The following HDAC9 variants were observed in gnomAD, a reference collection of about 807,000 sequenced individuals.
HDAC9 encodes the protein histone deacetylase 9, also known as MEF-2 interacting transcription repressor (MITR) protein.
Under a neutral mutation model 139.4 loss-of-function variants are expected in HDAC9, and 41 were observed. The ratio of observed to expected loss-of-function variants is 0.29; its 90% confidence interval spans 0.23 to 0.38. HDAC9 has a LOEUF of 0.38. Ranked by LOEUF, HDAC9 falls within the 10% of genes least tolerant of loss-of-function variation. HDAC9 has a pLI of 1.00. For missense variants in HDAC9, 1,147 were observed against 1,297.0 expected, an observed-to-expected ratio of 0.88 and a Z score of 1.78; for synonymous variants, 517 against 476.2, an observed-to-expected ratio of 1.09 and a Z score of -1.12.
At chr7:18,772,635 A>G (rs1158869065) in intron 16 of HDAC9, among the ~76,000 whole-genome samples, 2 of 152,026 alleles carry the variant, frequency 1.3e-5, no homozygotes, top group African/African-American at 2.4e-5. Context: ...CTCCAGCACA[A>G]TAAAAGGATC....
intron 1 of HDAC9, among the ~76,000 whole-genome samples, chr7:18,465,105 G>T (rs1211264857): frequency 6.6e-6 from 1 of 151,946 alleles, no homozygotes; most frequent in Non-Finnish European, 1.5e-5. Flanking sequence ...TTCTACAAGT[G>T]TTGATTCTTT....
chr7:18,968,958 C>CAAAAA lies in HDAC9; in HGVS notation c.3023-6828_3023-6824dup, dbSNP rs34379636. Among the ~76,000 whole-genome samples the CAAAAA allele has an allele frequency of 9.3e-3, 420 of 45,148 alleles. 11 individuals are homozygous for CAAAAA. The highest frequency in any genetic ancestry group is 0.011 in the Non-Finnish European group (286 of 27,160). The allele number at this position is 45,148 out of a possible 152,430, so 29.6% of individuals were successfully genotyped here. A position where few individuals can be genotyped will look rare whatever the true frequency, so the allele number is the denominator to read the frequency against. ...TGGACGACAGAGCGAGCCTCCCTCTCAAAAAAAAAAAAAAAAAAAAAAAAG... is the reference window on the plus strand; with the variant it reads ...TGGACGACAGAGCGAGCCTCCCTCTCAAAAAAAAAAAAAAAAAAAAAAAAAAAAAG... On this transcript the variant is annotated intron_variant, in intron 24 of 25. Transcript: ENST00000686413.
At chr7:18,515,608 A>G (rs1802932119) in intron 2 of HDAC9, among the ~76,000 whole-genome samples, 1 of 152,242 alleles carries the variant, frequency 6.6e-6, no homozygotes, top group African/African-American at 2.4e-5. Context: ...GTGAGATCAA[A>G]GAGCATTATA....
At chr7:18,804,071 A>T (rs13246896) in intron 17 of HDAC9, among the ~76,000 whole-genome samples, 35,772 of 152,130 alleles carry the variant, frequency 0.24, 4,277 homozygotes, top group South Asian at 0.27. Context: ...GTTATGGATA[A>T]AAGTAAAGGA....
chr7:18,422,544 C>G (rs1235335815), intron 1 of HDAC9, among the ~76,000 whole-genome samples: 1 of 152,062 alleles, frequency 6.6e-6, no homozygotes, highest in African/African-American at 2.4e-5. Flanking sequence ...AAAGAGCACT[C>G]TATTAGGCAA....
At chr7:18,933,768 AAAG>A (rs1429170857) in intron 22 of HDAC9, among the ~76,000 whole-genome samples, 7 of 152,156 alleles carry the variant, frequency 4.6e-5, no homozygotes, top group African/African-American at 1.7e-4. Context: ...GAAAGAAATA[AAAG>A]AAGAAATAAA....
chr7:18,577,518 G>A (rs1826366137), intron 2 of HDAC9, among the ~76,000 whole-genome samples: 1 of 152,096 alleles, frequency 6.6e-6, no homozygotes, highest in African/African-American at 2.4e-5. Flanking sequence ...TCAGTTGGAT[G>A]CCTGTCTCAT....
At chr7:18,458,751 A>G in intron 1 of HDAC9, 1 of 790,130 alleles carries the variant, frequency 1.3e-6, no homozygotes, top group South Asian at 1.5e-5. Flanking sequence ...AGTAGTAACA[A>G]AGAGAGAGCT....
intron 1 of HDAC9, among the ~76,000 whole-genome samples, chr7:18,369,294 T>G (rs1209468526): frequency 6.6e-6 from 1 of 152,074 alleles, no homozygotes; most frequent in African/African-American, 2.4e-5. Flanking sequence ...ACTTAAAAAA[T>G]TCTTTTAGTG....
intron 24 of HDAC9, among the ~76,000 whole-genome samples, chr7:18,975,220 T>A (rs2526640): frequency 6.6e-6 from 1 of 152,132 alleles, no homozygotes; most frequent in Admixed American, 6.5e-5. Context: ...TCAGCCAGTA[T>A]ATATATTAAA....
intron 1 of HDAC9, among the ~76,000 whole-genome samples, chr7:18,161,216 T>C (rs1045276113): frequency 2.0e-5 from 3 of 152,228 alleles, no homozygotes; most frequent in Admixed American, 6.5e-5. Context: ...ATAGCACATT[T>C]CTATTTAGAG....
intron 2 of HDAC9, among the ~76,000 whole-genome samples, chr7:18,542,817 C>G (rs935593610): frequency 1.3e-5 from 2 of 152,142 alleles, no homozygotes; most frequent in African/African-American, 4.8e-5. Flanking sequence ...CAGAGTTAAT[C>G]TAGCTCTAGA....
chr7:18,582,880 A>G (rs1015322832), intron 2 of HDAC9, among the ~76,000 whole-genome samples: 5 of 152,180 alleles, frequency 3.3e-5, no homozygotes, highest in Non-Finnish European at 4.4e-5. Context: ...GCCATAAATA[A>G]TCGTCTCTTT....
At chr7:18,174,831 A>C (rs1218383140) in intron 2 of HDAC9, among the ~76,000 whole-genome samples, 1 of 152,054 alleles carries the variant, frequency 6.6e-6, no homozygotes, top group African/African-American at 2.4e-5. Flanking sequence ...TGGAAACTTC[A>C]TCCCAGATGG....
chr7:18,390,939 A>T (rs1158427842), intron 1 of HDAC9, among the ~76,000 whole-genome samples: 1 of 152,144 alleles, frequency 6.6e-6, no homozygotes, highest in Non-Finnish European at 1.5e-5. Flanking sequence ...AAATACAAAA[A>T]TTAGCCAGGC....
At chr7:18,313,107 C>A (rs545711886) in intron 1 of HDAC9, among the ~76,000 whole-genome samples, 1 of 152,216 alleles carries the variant, frequency 6.6e-6, no homozygotes, top group Non-Finnish European at 1.5e-5. Context: ...ACAGTTTGTT[C>A]AGCTTTACGA....
At chr7:18,394,074 C>T (rs1252659423) in intron 1 of HDAC9, among the ~76,000 whole-genome samples, 1 of 152,144 alleles carries the variant, frequency 6.6e-6, no homozygotes, top group African/African-American at 2.4e-5. Flanking sequence ...AAATAAACAA[C>T]AGTCTACCTC....
At position 18,349,912 on chromosome 7, in the gene HDAC9, T is replaced by C. The variant is rs111961920; in HGVS notation, c.-42+59397T>C. 3.3e-3 allele frequency among the ~76,000 whole-genome samples: 503 copies of C among 152,280 alleles called. 3 individuals carry two copies. The highest frequency in any genetic ancestry group is 0.012 in the African/African-American group (480 of 41,566). On this transcript the variant is annotated intron_variant, in intron 1 of 3. Coordinates refer to the HDAC9 transcript ENST00000413509. ...TTGGAAATTAGGGCTTTGGAACATA[T>C]GTGAGAATTAGGTATTACTTCAGTA...
intron 2 of HDAC9, among the ~76,000 whole-genome samples, chr7:18,526,582 T>G (rs1168934340): frequency 6.6e-6 from 1 of 152,136 alleles, no homozygotes; most frequent in African/African-American, 2.4e-5. Context: ...CATAAGGGTG[T>G]CAGAGGAAAT....
Sources: allele counts gnomAD v4.1 joint callset (sites outside exome capture counted in the v4.1 genomes callset), GRCh38; gene constraint gnomAD v4.1.1; transcripts MANE v1.5; gene names NCBI Gene and HGNC (gene_info 2026-07-23, HGNC 2026-07-21).